Variants in OR11G2 observed in about 807,000 individuals in gnomAD.
The protein encoded by OR11G2 is olfactory receptor family 11 subfamily G member 2, also known as olfactory receptor 11G2.
OR11G2 carries 2 observed loss-of-function variants against 0.9 expected under a neutral mutation model. The observed-to-expected ratio is 2.35, with a 90% CI of 0.96 to 7.38. The LOEUF (loss-of-function observed/expected upper bound fraction) is 7.38, where lower values mean the gene tolerates loss of function less well. Among genes scored for constraint, OR11G2 ranks in the 30% most tolerant of loss-of-function variants. The pLI is 0.05. For missense variants in OR11G2, 395 were observed against 371.3 expected (o/e 1.06, Z -0.52); for synonymous variants, 153 against 142.0 (o/e 1.08, Z -0.55).
intron 1 of OR11G2, among the ~76,000 whole-genome samples, chr14:20,192,600 A>C (rs1210947819): frequency 2.0e-5 from 3 of 152,232 alleles, no homozygotes; most frequent in Non-Finnish European, 2.9e-5. Flanking sequence ...CTAGTAGCCT[A>C]GGGTAATTTG....
At chr14:20,196,367 T>C (rs1879753137) in intron 1 of OR11G2, among the ~76,000 whole-genome samples, 1 of 152,216 alleles carries the variant, frequency 6.6e-6, no homozygotes, top group African/African-American at 2.4e-5. Flanking sequence ...AAGCAAAATG[T>C]GGATCTAAAC....
In OR11G2 at chr14:20,200,357, G is replaced by A. The variant is rs1247603075; in HGVS notation, c.*1984G>A. 1 of 152,082 alleles carries A rather than the reference G, an allele frequency of 6.6e-6. No individual in the cohort carries two copies. Among genetic ancestry groups the A allele is most frequent in the Non-Finnish European group, 1.5e-5 (1 of 68,000 alleles). The allele number at this position is 152,082 out of a possible 1,614,324, so 9.4% of individuals were successfully genotyped here. A position where few individuals can be genotyped will look rare whatever the true frequency, so the allele number is the denominator to read the frequency against. Reference sequence around the variant, plus strand: ...GAACAGTATCCCAGTAAGAAAATGAGCAAAAGGATATAAACGAATAACATC... The same window carrying A: ...GAACAGTATCCCAGTAAGAAAATGAACAAAAGGATATAAACGAATAACATC... On this transcript the variant is annotated 3_prime_UTR_variant, in exon 2 of 2. Transcript: ENST00000641879.
chr14:20,198,267 C>T lies in OR11G2; in HGVS notation c.830C>T (p.Thr277Ile). The T allele has an allele frequency of 6.2e-7, 1 of 1,613,572 alleles. No individual in the cohort carries two copies. Among genetic ancestry groups the T allele is most frequent in the South Asian group, 1.1e-5 (1 of 91,078 alleles). The part of the protein sequence containing the change: ...PSKNEAGKQK[T>I]VTLFYSVVTP... ...AAGAATGAAGCTGGAAAGCAGAAGACTGTGACTCTGTTTTATTCTGTTGTT... is the reference window on the plus strand; with the variant it reads ...AAGAATGAAGCTGGAAAGCAGAAGATTGTGACTCTGTTTTATTCTGTTGTT... Residue 277 changes from threonine (T) to isoleucine (I), a missense_variant, in exon 2 of 2, where the codon ACT becomes ATT. Physicochemically the swap from Thr to Ile is moderately conservative, Grantham distance 89 (BLOSUM62 -1). Coordinates refer to ENST00000641879, the MANE Select transcript of OR11G2 (RefSeq NM_001386033.1).
Position 20,197,821 on chromosome 14 carries a change from T to G in OR11G2, c.384T>G (p.Leu128=). 6.2e-7 allele frequency: 1 copy of G among 1,614,130 alleles called. No individual in the cohort carries two copies. Among genetic ancestry groups the G allele is most frequent in the Non-Finnish European group, 8.5e-7 (1 of 1,180,030 alleles). Residue 128 remains leucine, a synonymous_variant, in exon 2 of 2, where the codon CTT becomes CTG. Transcript: ENST00000641879. ...CAGTTATGGCATTTGATCGATACCT[T>G]GCCATCTGTCGGCCTCTACGCTATC... is the stretch of plus-strand genomic sequence containing the variant. ...FLAVMAFDRY[L]AICRPLRYPT...
At position 20,199,323 on chromosome 14, in the gene OR11G2, C is replaced by T. The variant is rs1879853054; in HGVS notation, c.*950C>T. On this transcript the variant is annotated 3_prime_UTR_variant, in exon 2 of 2. Coordinates refer to ENST00000641879, the MANE Select transcript of OR11G2 (RefSeq NM_001386033.1). ...TTTTAGCCTAGCTTCTGTGGTCCTT[C>T]CCTCTCCAGGATTTCTCAAACGCCA... 2.6e-5 allele frequency: 4 copies of T among 152,266 alleles called. No individual in the cohort carries two copies. The highest frequency in any genetic ancestry group is 7.2e-5 in the African/African-American group (3 of 41,468). The allele number at this position is 152,266 out of a possible 1,614,324, so 9.4% of individuals were successfully genotyped here.
At chr14:20,193,430 C>T (rs984347614) in intron 1 of OR11G2, among the ~76,000 whole-genome samples, 1 of 152,144 alleles carries the variant, frequency 6.6e-6, no homozygotes. Flanking sequence ...AAGGTATTTG[C>T]CTCACCAAGG....
intron 1 of OR11G2, among the ~76,000 whole-genome samples, chr14:20,197,163 G>A (rs994669532): frequency 1.3e-5 from 2 of 152,194 alleles, no homozygotes; most frequent in African/African-American, 4.8e-5. Context: ...CTAGTAAAAT[G>A]TAAATGACAG....
Position 20,199,993 on chromosome 14 carries a change from A to G in OR11G2, c.*1620A>G, listed in dbSNP as rs147211850. ...GTAAAAATAGTCACCCAGAATTTGT[A>G]TTAGAAGCTTGGGCTAGTTCTCCTT... On this transcript the variant is annotated 3_prime_UTR_variant, in exon 2 of 2. Coordinates refer to ENST00000641879, the MANE Select transcript of OR11G2 (RefSeq NM_001386033.1). 17 of 152,222 alleles carry G rather than the reference A, an allele frequency of 1.1e-4. No individual in the cohort carries two copies. Among genetic ancestry groups the G allele is most frequent in the African/African-American group, 4.1e-4 (17 of 41,536 alleles). 9.4% of individuals were successfully genotyped at this position (152,222 alleles called of 1,614,324 possible). A position where few individuals can be genotyped will look rare whatever the true frequency, so the allele number is the denominator to read the frequency against.
chr14:20,196,216 G>C (rs1264650473), intron 1 of OR11G2, among the ~76,000 whole-genome samples: 1 of 152,164 alleles, frequency 6.6e-6, no homozygotes, highest in Non-Finnish European at 1.5e-5. Flanking sequence ...GCAAATAATA[G>C]GGGGAAGACA....
chr14:20,198,182 C>G lies in OR11G2; in HGVS notation c.745C>G (p.Leu249Val), dbSNP rs746566340. ...RKAFSTCGSHLAVVSLFYGSV... is the reference protein window; with the variant it reads ...RKAFSTCGSHVAVVSLFYGSV... ...GGCTTTCTCCACCTGTGGGTCTCAC[C>G]TGGCTGTGGTTTCACTGTTCTACGG... is the stretch of plus-strand genomic sequence containing the variant. Residue 249 changes from leucine to valine, a missense_variant, in exon 2 of 2, where the codon CTG becomes GTG. Coordinates refer to ENST00000641879, the MANE Select transcript of OR11G2 (RefSeq NM_001386033.1). 1 of 1,613,972 alleles carries G rather than the reference C, an allele frequency of 6.2e-7. No homozygotes were observed. Among genetic ancestry groups the G allele is most frequent in the South Asian group, 1.1e-5 (1 of 91,080 alleles).
At chr14:20,193,310 C>T (rs1363134133) in intron 1 of OR11G2, among the ~76,000 whole-genome samples, 2 of 152,068 alleles carry the variant, frequency 1.3e-5, no homozygotes, top group East Asian at 1.9e-4. Flanking sequence ...TTAGTAGAGA[C>T]GAAGTTTTGC....
intron 1 of OR11G2, among the ~76,000 whole-genome samples, chr14:20,196,976 T>C (rs1879765026): frequency 6.6e-6 from 1 of 152,254 alleles, no homozygotes; most frequent in Non-Finnish European, 1.5e-5. Flanking sequence ...TCATATTACA[T>C]GGCTACACAG....
Position 20,198,175 on chromosome 14 carries a change from G to A in OR11G2, c.738G>A (p.Gly246=), listed in dbSNP as rs779585847. The part of the protein sequence containing the change: ...AGRRKAFSTC[G]SHLAVVSLFY... ...GAAGAAAGGCTTTCTCCACCTGTGG[G>A]TCTCACCTGGCTGTGGTTTCACTGT... Residue 246 remains glycine (G), a synonymous_variant, in exon 2 of 2, where the codon GGG becomes GGA. Coordinates refer to ENST00000641879, the MANE Select transcript of OR11G2 (RefSeq NM_001386033.1). 3.7e-6 allele frequency: 6 copies of A among 1,613,992 alleles called. No individual in the cohort carries two copies. The highest frequency in any genetic ancestry group is 5.1e-6 in the Non-Finnish European group (6 of 1,180,032).
In OR11G2 at chr14:20,198,026, C is replaced by G; in HGVS notation, c.589C>G (p.Pro197Ala). ...PLLTLTCKKGPVIELVFSVLS... is the reference protein window; with the variant it reads ...PLLTLTCKKGAVIELVFSVLS... ...TCTAACTCTCACTTGCAAAAAAGGC[C>G]CTGTGATAGAGCTTGTCTTTTCTGT... The change falls in exon 2 of 2, where the codon CCT becomes GCT. Residue 197 changes from proline to alanine, a missense_variant. Pro to Ala is a conservative substitution (Grantham distance 27). Transcript: ENST00000641879. 6.2e-7 allele frequency: 1 copy of G among 1,614,014 alleles called. No homozygotes were observed.
Position 20,198,184 on chromosome 14 carries a change from G to A in OR11G2, c.747G>A (p.Leu249=), listed in dbSNP as rs768622421. 2.9e-5 allele frequency: 46 copies of A among 1,614,024 alleles called. No individual in the cohort carries two copies. The highest frequency in any genetic ancestry group is 3.7e-5 in the Non-Finnish European group (44 of 1,180,036). ...RKAFSTCGSH[L]AVVSLFYGSV... Reference sequence around the variant, plus strand: ...CTTTCTCCACCTGTGGGTCTCACCTGGCTGTGGTTTCACTGTTCTACGGCT... The same window carrying A: ...CTTTCTCCACCTGTGGGTCTCACCTAGCTGTGGTTTCACTGTTCTACGGCT... The change falls in exon 2 of 2, where the codon CTG becomes CTA. Residue 249 remains leucine (L), a synonymous_variant. Coordinates refer to ENST00000641879, the MANE Select transcript of OR11G2 (RefSeq NM_001386033.1).
chr14:20,198,230 A>T lies in OR11G2; in HGVS notation c.793A>T (p.Ser265Cys), dbSNP rs2139115653. The T allele has an allele frequency of 6.2e-7, 1 of 1,614,134 alleles. No individual in the cohort carries two copies. The stretch of plus-strand genomic sequence containing the variant: ...CGGCTCAGTACTGGTCATGTATGGG[A>T]GCCCACCATCTAAGAATGAAGCTGG... Reference protein sequence around the residue: ...FYGSVLVMYGSPPSKNEAGKQ... With the variant: ...FYGSVLVMYGCPPSKNEAGKQ... Residue 265 changes from serine to cysteine, a missense_variant, in exon 2 of 2, where the codon AGC (serine) becomes TGC (cysteine). Physicochemically the swap from Ser to Cys is moderately radical, Grantham distance 112. Transcript: ENST00000641879.
rs2139113421 is a variant in OR11G2 at position 20,197,659 on chromosome 14, G to A, written c.222G>A (p.Glu74=). 2 of 1,613,976 alleles carry A rather than the reference G, an allele frequency of 1.2e-6. No individual in the cohort carries two copies. The highest frequency in any genetic ancestry group is 1.7e-6 in the Non-Finnish European group (2 of 1,179,926). ...YILLANFSFL[E]ICYVTSTVPS... ...TGCTCGCCAACTTCTCCTTCTTGGA[G>A]ATATGTTATGTCACCTCCACAGTCC... Residue 74 remains glutamate (E), a synonymous_variant, in exon 2 of 2, where the codon GAG becomes GAA. Transcript: ENST00000641879.
Position 20,200,691 on chromosome 14 carries a change from G to A in OR11G2, c.*2318G>A, listed in dbSNP as rs1230254499. On this transcript the variant is annotated 3_prime_UTR_variant, in exon 2 of 2. Coordinates refer to ENST00000641879, the MANE Select transcript of OR11G2 (RefSeq NM_001386033.1). ...CCTACAGATATTTTTACACATGTGG[G>A]AAATGTTTACTGCAGCATTGTTGTA... 6.6e-6 allele frequency: 1 copy of A among 152,180 alleles called. No homozygotes were observed. The highest frequency in any genetic ancestry group is 2.4e-5 in the African/African-American group (1 of 41,436). 9.4% of individuals were successfully genotyped at this position (152,180 alleles called of 1,614,324 possible). A position where few individuals can be genotyped will look rare whatever the true frequency, so the allele number is the denominator to read the frequency against.
rs1879893933 is a variant in OR11G2 at position 20,201,069 on chromosome 14, G to A, written c.*2696G>A. 6.6e-6 allele frequency: 1 copy of A among 151,770 alleles called. No individual in the cohort carries two copies. The highest frequency in any genetic ancestry group is 2.1e-4 in the South Asian group (1 of 4,826). The allele number at this position is 151,770 out of a possible 1,614,324, so 9.4% of individuals were successfully genotyped here. A position where few individuals can be genotyped will look rare whatever the true frequency, so the allele number is the denominator to read the frequency against. On this transcript the variant is annotated 3_prime_UTR_variant, in exon 2 of 2. Coordinates refer to ENST00000641879, the MANE Select transcript of OR11G2 (RefSeq NM_001386033.1). The stretch of plus-strand genomic sequence containing the variant: ...TGTGCGTTCAAATTCTTTATCATGT[G>A]CCTATATTATGCATTGAAAAAATAA...
Sources: allele counts gnomAD v4.1 joint callset (sites outside exome capture counted in the v4.1 genomes callset), GRCh38; gene constraint gnomAD v4.1.1; transcripts MANE v1.5; gene names NCBI Gene and HGNC (gene_info 2026-07-23, HGNC 2026-07-21).